Variants in DRC11 observed in about 807,000 individuals in gnomAD.
The protein encoded by DRC11 is IQ and AAA domain-containing protein 1.
the DRC11 span, among the ~76,000 whole-genome samples, chr2:236,435,313 G>A: frequency 6.6e-6 from 1 of 152,266 alleles, no homozygotes; most frequent in African/African-American, 2.4e-5. Context: ...ATCCATGGCA[G>A]GGGTCAGCAA....
the DRC11 span, among the ~76,000 whole-genome samples, chr2:236,491,094 CTG>C: frequency 1.5e-4 from 19 of 122,860 alleles, no homozygotes; most frequent in African/African-American, 3.1e-4. Flanking sequence ...AATATATACT[CTG>C]TGTGTGTGTG....
At chr2:236,422,983 A>G in the DRC11 span, among the ~76,000 whole-genome samples, 3 of 152,116 alleles carry the variant, frequency 2.0e-5, no homozygotes, top group East Asian at 5.8e-4. Flanking sequence ...GGTGCTGGGA[A>G]AACTGGCTAG....
the DRC11 span, among the ~76,000 whole-genome samples, chr2:236,423,977 C>T: frequency 1.4e-4 from 20 of 146,440 alleles, no homozygotes; most frequent in Non-Finnish European, 1.5e-5. Context: ...CGCATGTTCT[C>T]ACTCATAGGT....
At chr2:236,378,591 C>T in the DRC11 span, among the ~76,000 whole-genome samples, 1 of 151,318 alleles carries the variant, frequency 6.6e-6, no homozygotes, top group African/African-American at 2.4e-5. Context: ...AGGAGAATCG[C>T]TTGAACACCA....
the DRC11 span, among the ~76,000 whole-genome samples, chr2:236,311,950 A>G: frequency 6.6e-6 from 1 of 152,094 alleles, no homozygotes; most frequent in Non-Finnish European, 1.5e-5. The surrounding 1 kb of genome is among the most constrained non-coding windows in gnomAD (Gnocchi z 6.9). Flanking sequence ...TTCTATAGAT[A>G]TGTTAAGGTG....
At chr2:236,419,105 A>C in the DRC11 span, 1 of 1,501,586 alleles carries the variant, frequency 6.7e-7, no homozygotes, top group Non-Finnish European at 8.8e-7. The surrounding 1 kb of genome is among the most constrained non-coding windows in gnomAD (Gnocchi z 4.8). Flanking sequence ...GTCAATAAAA[A>C]GAAAATGAAA....
chr2:236,339,087 C>T, the DRC11 span, among the ~76,000 whole-genome samples: 2 of 152,138 alleles, frequency 1.3e-5, no homozygotes, highest in Non-Finnish European at 2.9e-5. Flanking sequence ...ACACCAGGGG[C>T]AATGGTGAGA....
At chr2:236,318,597 GTGTA>G in the DRC11 span, among the ~76,000 whole-genome samples, 10 of 151,466 alleles carry the variant, frequency 6.6e-5, no homozygotes, top group African/African-American at 1.5e-4. This position sits in a 1 kb window ranked among gnomAD's most constrained non-coding sequence, Gnocchi z 7.0. Context: ...ATGTACACAT[GTGTA>G]TGTATGTACA....
chr2:236,349,446 C>T, the DRC11 span, among the ~76,000 whole-genome samples: 1 of 152,096 alleles, frequency 6.6e-6, no homozygotes, highest in Non-Finnish European at 1.5e-5. The surrounding 1 kb of genome is among the most constrained non-coding windows in gnomAD (Gnocchi z 5.5). Flanking sequence ...AGAACTGAAT[C>T]CAATGGAGAA....
chr2:236,405,352 A>G, the DRC11 span, among the ~76,000 whole-genome samples: 1 of 151,416 alleles, frequency 6.6e-6, no homozygotes, highest in East Asian at 2.0e-4. The surrounding 1 kb of genome is among the most constrained non-coding windows in gnomAD (Gnocchi z 4.6). Flanking sequence ...CTGCTTGGCC[A>G]CACCAGCATG....
At chr2:236,317,507 G>C in the DRC11 span, among the ~76,000 whole-genome samples, 1 of 152,140 alleles carries the variant, frequency 6.6e-6, no homozygotes, top group Non-Finnish European at 1.5e-5. This position sits in a 1 kb window ranked among gnomAD's most constrained non-coding sequence, Gnocchi z 5.4. Context: ...TTCAAACCCA[G>C]CTAAAAGTAA....
At chr2:236,490,648 C>A in the DRC11 span, among the ~76,000 whole-genome samples, 1 of 151,980 alleles carries the variant, frequency 6.6e-6, no homozygotes, top group African/African-American at 2.4e-5. The surrounding 1 kb of genome is among the most constrained non-coding windows in gnomAD (Gnocchi z 5.5). Context: ...TGGCCATTAT[C>A]AAATAATTCT....
the DRC11 span, among the ~76,000 whole-genome samples, chr2:236,417,058 T>TG: frequency 6.6e-6 from 1 of 151,060 alleles, no homozygotes; most frequent in African/African-American, 2.4e-5. Flanking sequence ...TTAGTAGAGA[T>TG]GGGGTTTCAC....
At chr2:236,370,193 G>A in the DRC11 span, among the ~76,000 whole-genome samples, 1 of 152,168 alleles carries the variant, frequency 6.6e-6, no homozygotes, top group African/African-American at 2.4e-5. This position sits in a 1 kb window ranked among gnomAD's most constrained non-coding sequence, Gnocchi z 5.5. Context: ...AGCAGAGAGG[G>A]AGGTGATGGT....
the DRC11 span, among the ~76,000 whole-genome samples, chr2:236,480,561 G>A: frequency 6.6e-6 from 1 of 152,022 alleles, no homozygotes; most frequent in Admixed American, 6.6e-5. Context: ...CCAGTTCCAG[G>A]ATTTGATTTT....
chr2:236,392,113 T>A, the DRC11 span: 2 of 1,587,844 alleles, frequency 1.3e-6, no homozygotes, highest in Non-Finnish European at 1.7e-6. The surrounding 1 kb of genome is among the most constrained non-coding windows in gnomAD (Gnocchi z 5.1). Context: ...TCACTTTGCA[T>A]GTCTTGTGTT....
the DRC11 span, among the ~76,000 whole-genome samples, chr2:236,349,015 TCCTGCCCGTTC>T: frequency 6.6e-6 from 1 of 152,132 alleles, no homozygotes; most frequent in East Asian, 1.9e-4. This position sits in a 1 kb window ranked among gnomAD's most constrained non-coding sequence, Gnocchi z 5.5. Flanking sequence ...CCATCCTGCC[TCCTGCCCGTTC>T]CCTGCGTGAC....
the DRC11 span, chr2:236,497,351 C>T: frequency 1.9e-6 from 3 of 1,613,976 alleles, no homozygotes; most frequent in Non-Finnish European, 2.5e-6. This position sits in a 1 kb window ranked among gnomAD's most constrained non-coding sequence, Gnocchi z 5.1. Flanking sequence ...AAGATCTGCA[C>T]ATACTTTACG....
chr2:236,384,466 T>A, the DRC11 span, among the ~76,000 whole-genome samples: 85 of 152,372 alleles, frequency 5.6e-4, no homozygotes, highest in Middle Eastern at 3.4e-3. Flanking sequence ...ATGTCTTCTT[T>A]TGAGAAGTGT....
Sources: gnomAD v4.1 joint callset for allele counts (sites outside exome capture counted in the v4.1 genomes callset) on GRCh38, gnomAD v4.1.1 for gene constraint, Gnocchi (gnomAD v3.1) non-coding constraint, MANE v1.5 for transcripts, NCBI Gene and HGNC (gene_info 2026-07-23, HGNC 2026-07-21) for gene names.